ABHD6: variants seen among roughly 807,000 people sequenced by gnomAD.
ABHD6 encodes the protein abhydrolase domain containing 6, acylglycerol lipase.
Under a neutral mutation model 38.8 loss-of-function variants are expected in ABHD6, and 33 were observed. The observed-to-expected ratio is 0.85, with a 90% CI of 0.64 to 1.14. The LOEUF (loss-of-function observed/expected upper bound fraction) is 1.14. Ranked by LOEUF, ABHD6 falls within the 50% of genes most tolerant of loss-of-function variation. ABHD6 has a pLI of 0.00. For missense variants in ABHD6, 380 were observed against 422.6 expected, an observed-to-expected ratio of 0.90 and a Z score of 0.88; for synonymous variants, 147 against 161.6, an observed-to-expected ratio of 0.91 and a Z score of 0.69.
intron 7 of ABHD6, among the ~76,000 whole-genome samples, chr3:58,279,425 C>CT (rs59705924): frequency 2.6e-5 from 4 of 151,488 alleles, no homozygotes; most frequent in South Asian, 4.2e-4. Flanking sequence ...TGCAACCCTG[C>CT]TTTTTTTTTG....
chr3:58,292,071 T>C (rs1243178792), intron 9 of ABHD6, among the ~76,000 whole-genome samples: 1 of 152,252 alleles, frequency 6.6e-6, no homozygotes, highest in Admixed American at 6.5e-5. Flanking sequence ...TCCTGCTCAG[T>C]GGGTTGCCGT....
At chr3:58,281,716 G>A (rs1347332324) in intron 7 of ABHD6, among the ~76,000 whole-genome samples, 4 of 152,170 alleles carry the variant, frequency 2.6e-5, no homozygotes, top group South Asian at 2.1e-4. Flanking sequence ...GTTCCTATTC[G>A]GCCATCTTGG....
At chr3:58,290,699 C>A (rs34569640) in intron 9 of ABHD6, among the ~76,000 whole-genome samples, 2 of 146,716 alleles carry the variant, frequency 1.4e-5, no homozygotes, top group African/African-American at 5.1e-5. Flanking sequence ...ACCTCCCAGA[C>A]GGGGTCGCGG....
In ABHD6 at chr3:58,290,365, G is replaced by T. The variant is rs1334780460; in HGVS notation, c.838-3224G>T. ...GGGGCTGACCCCCCACCTTCCTCCC[G>T]GATGGAGCGGCTGGCCGGGCAGAGG... On this transcript the variant is annotated intron_variant, in intron 9 of 9. Transcript: ENST00000478253. Among the ~76,000 whole-genome samples the T allele has an allele frequency of 5.0e-5, 7 of 139,704 alleles. 1 individual carries two copies. The highest frequency in any genetic ancestry group is 1.9e-4 in the African/African-American group (7 of 37,002). The allele number at this position is 139,704 out of a possible 152,430, so 91.7% of individuals were successfully genotyped here.
In ABHD6 at chr3:58,269,080, C is replaced by T. The variant is rs1232672372; in HGVS notation, c.277-241C>T. 3.3e-5 allele frequency among the ~76,000 whole-genome samples: 5 copies of T among 152,186 alleles called. No homozygotes were observed. Among genetic ancestry groups the T allele is most frequent in the Admixed American group, 6.5e-5 (1 of 15,268 alleles). ...TAAGCCTGCTGCCCCGACTTTGTCC[C>T]CTTTTTACAGGCATCTCCTGAGCCT... is the stretch of plus-strand genomic sequence containing the variant. On this transcript the variant is annotated intron_variant, in intron 4 of 9. Coordinates refer to ENST00000478253, the MANE Select transcript of ABHD6 (RefSeq NM_001320126.2). This position sits in a 1 kb window ranked among gnomAD's most constrained non-coding sequence, Gnocchi z 4.4.
intron 3 of ABHD6, among the ~76,000 whole-genome samples, chr3:58,261,821 AACATCCAGCAAT>A (rs1319004956): frequency 1.3e-5 from 2 of 152,220 alleles, no homozygotes; most frequent in Non-Finnish European, 2.9e-5. Flanking sequence ...CATTTAACGT[AACATCCAGCAAT>A]TCTACTTATG....
Position 58,293,589 on chromosome 3 carries a change from G to A in ABHD6, c.838G>A (p.Val280Met). The A allele has an allele frequency of 1.2e-6, 2 of 1,613,982 alleles. No individual in the cohort carries two copies. The highest frequency in any genetic ancestry group is 2.2e-5 in the South Asian group (2 of 91,072). The change falls in exon 10 of 10, where the codon GTG becomes ATG. Residue 280 changes from valine (V) to methionine (M), a missense_variant and splice_region_variant. Coordinates refer to ENST00000478253, the MANE Select transcript of ABHD6 (RefSeq NM_001320126.2). The surrounding 1 kb of genome is among the most constrained non-coding windows in gnomAD (Gnocchi z 4.4). ...TCCAGCTCCCTTTCTTGCCCAGCAG[G>A]TGCTGGATGTGTCTGGGGCAGACAT... Reference protein sequence around the residue: ...TQIIWGKQDQVLDVSGADMLA... With the variant: ...TQIIWGKQDQMLDVSGADMLA...
intron 4 of ABHD6, among the ~76,000 whole-genome samples, chr3:58,268,683 C>T (rs1389502855): frequency 6.6e-6 from 1 of 152,200 alleles, no homozygotes; most frequent in African/African-American, 2.4e-5. Context: ...CCTTGATGAA[C>T]TTCCTGTCCC....
In ABHD6 at chr3:58,267,354, C is replaced by T. The variant is rs1333681067; in HGVS notation, c.276+9C>T. The T allele has an allele frequency of 6.2e-7, 1 of 1,613,906 alleles. No individual in the cohort carries two copies. Among genetic ancestry groups the T allele is most frequent in the South Asian group, 1.1e-5 (1 of 91,074 alleles). On this transcript the variant is annotated intron_variant, in intron 4 of 9. Transcript: ENST00000478253. This position sits in a 1 kb window ranked among gnomAD's most constrained non-coding sequence, Gnocchi z 4.3. ...GGCTCAGTGTGGTCAAGGTGCAATT[C>T]TCGATTCTTCTCTCTTATAAGAAAA...
At chr3:58,246,419 G>A (rs9877978) in intron 1 of ABHD6, among the ~76,000 whole-genome samples, 113,143 of 152,154 alleles carry the variant, frequency 0.74, 43,326 homozygotes, top group East Asian at 1. Context: ...CTGCCTTCCA[G>A]CTGAGCCTCG....
At chr3:58,258,264 G>A (rs754172524) in intron 3 of ABHD6, 20 of 340,004 alleles carry the variant, frequency 5.9e-5, no homozygotes, top group Non-Finnish European at 1.1e-4. Context: ...CTGAGATCGC[G>A]CCATTGCACT....
rs1243398219 is a variant in ABHD6 at position 58,287,912 on chromosome 3, G to A, written c.837+2459G>A. Among the ~76,000 whole-genome samples the A allele has an allele frequency of 6.6e-6, 1 of 152,156 alleles. No homozygotes were observed. Among genetic ancestry groups the A allele is most frequent in the Non-Finnish European group, 1.5e-5 (1 of 68,020 alleles). On this transcript the variant is annotated intron_variant, in intron 9 of 9. Transcript: ENST00000478253. This position sits in a 1 kb window ranked among gnomAD's most constrained non-coding sequence, Gnocchi z 4.7. The stretch of plus-strand genomic sequence containing the variant: ...TTTTGAGGCTCAAATGAAATAATAT[G>A]TATGAAAATGATCTTCCAGTTGCAA...
intron 1 of ABHD6, among the ~76,000 whole-genome samples, chr3:58,243,210 T>G (rs774151783): frequency 4.8e-4 from 73 of 152,244 alleles, no homozygotes; most frequent in African/African-American, 6.8e-4. Context: ...ATAGTAGCAT[T>G]ATTTATAATC....
chr3:58,242,684 T>A (rs149121103), intron 1 of ABHD6, among the ~76,000 whole-genome samples: 422 of 152,354 alleles, frequency 2.8e-3, no homozygotes, highest in Non-Finnish European at 4.4e-3. Context: ...TTGAGGAGCT[T>A]GCAGCCTAGT....
rs2097448877 is a variant in ABHD6 at position 58,276,561 on chromosome 3, GGTT to G, written c.681+1748_681+1750del. On this transcript the variant is annotated intron_variant, in intron 7 of 9. Transcript: ENST00000478253. ...TGCAAAAATTTTCTCCCATTCTGTA[GGTT>G]GCCTGTTCACTCTGATGGCAGTTTC... Among the ~76,000 whole-genome samples the G allele has an allele frequency of 2.6e-5, 4 of 152,226 alleles. No homozygotes were observed. In the South Asian group the frequency reaches 8.3e-4, roughly 32 times the overall value.
At position 58,256,816 on chromosome 3, in the gene ABHD6, A is replaced by G. The variant is rs1360908078; in HGVS notation, c.119+111A>G. 1 of 928,382 alleles carries G rather than the reference A, an allele frequency of 1.1e-6. No individual in the cohort carries two copies. Among genetic ancestry groups the G allele is most frequent in the South Asian group, 1.6e-5 (1 of 64,170 alleles). 57.5% of individuals were successfully genotyped at this position (928,382 alleles called of 1,614,324 possible). On this transcript the variant is annotated intron_variant, in intron 3 of 9. Transcript: ENST00000478253. The surrounding 1 kb of genome is among the most constrained non-coding windows in gnomAD (Gnocchi z 4.3). ...CATTTTATCAGGAAGTATTTCAGACAGAGAGAAAAGTTGAAAGGTACTCAT... is the reference window on the plus strand; with the variant it reads ...CATTTTATCAGGAAGTATTTCAGACGGAGAGAAAAGTTGAAAGGTACTCAT...
chr3:58,282,029 G>A (rs2097453673), intron 7 of ABHD6, among the ~76,000 whole-genome samples: 1 of 152,180 alleles, frequency 6.6e-6, no homozygotes, highest in South Asian at 2.1e-4. Context: ...ACTTATTCCA[G>A]TAGCCAAGAG....
At chr3:58,261,856 A>C (rs2097437207) in intron 3 of ABHD6, among the ~76,000 whole-genome samples, 1 of 152,192 alleles carries the variant, frequency 6.6e-6, no homozygotes. Context: ...TGTAAATCCC[A>C]AAGAATTGCA....
intron 7 of ABHD6, among the ~76,000 whole-genome samples, chr3:58,277,213 C>A (rs1266041788): frequency 1.3e-5 from 2 of 152,102 alleles, no homozygotes; most frequent in Non-Finnish European, 2.9e-5. Context: ...GGCGGTATGG[C>A]CATTTTCATG....
Sources: gnomAD v4.1 joint callset for allele counts (sites outside exome capture counted in the v4.1 genomes callset) on GRCh38, gnomAD v4.1.1 for gene constraint, Gnocchi (gnomAD v3.1) non-coding constraint, MANE v1.5 for transcripts, NCBI Gene and HGNC (gene_info 2026-07-23, HGNC 2026-07-21) for gene names.